ISCA1: variants seen among roughly 807,000 people sequenced by gnomAD.
ISCA1 encodes the protein iron-sulfur cluster assembly 1.
A neutral mutation model predicts 14.7 loss-of-function variants in ISCA1; 9 were observed. The ratio of observed to expected loss-of-function variants is 0.61; its 90% CI spans 0.37 to 1.07. The LOEUF (loss-of-function observed/expected upper bound fraction) is 1.07, where lower values mean the gene tolerates loss of function less well. ISCA1 is among the 50% of genes least tolerant of loss of function. ISCA1 has a pLI of 0.01. For missense variants in ISCA1, 102 were observed against 150.1 expected (o/e 0.68, Z 1.67); for synonymous variants, 38 against 54.3 (o/e 0.70, Z 1.32).
chr9:86,265,077 T>C lies in ISCA1; in HGVS notation c.*966A>G, dbSNP rs965426167. 3 of 152,144 alleles carry C rather than the reference T, an allele frequency of 2.0e-5. No homozygotes were observed. The highest frequency in any genetic ancestry group is 2.9e-5 in the Non-Finnish European group (2 of 68,026). The allele number at this position is 152,144 out of a possible 1,614,324, so 9.4% of individuals were successfully genotyped here. ...AAAGGTGAAAGAAACAAGATGGTAA[T>C]TGACATAAAAAGGTTTTAAAATTCT... On this transcript the variant is annotated 3_prime_UTR_variant, in exon 4 of 4. Coordinates refer to ENST00000375991, the MANE Select transcript of ISCA1 (RefSeq NM_030940.4).
Position 86,282,455 on chromosome 9 carries a change from A to C in ISCA1, c.4T>G (p.Ser2Ala), listed in dbSNP as rs753150612. M[S>A]ASLVRATVRA... ...ACAGTTGCCCGGACTAAGGAAGCCG[A>C]CATCTTCGCCGTCCCGGCGCCCCGG... Residue 2 changes from serine (S) to alanine (A), a missense_variant, in exon 1 of 4, where the codon TCG (serine) becomes GCG (alanine). Physicochemically the swap from Ser to Ala is moderately conservative, Grantham distance 99. Coordinates refer to ENST00000375991, the MANE Select transcript of ISCA1 (RefSeq NM_030940.4). The C allele has an allele frequency of 6.4e-7, 1 of 1,552,772 alleles. No individual in the cohort carries two copies. The highest frequency in any genetic ancestry group is 8.7e-7 in the Non-Finnish European group (1 of 1,148,242).
At chr9:86,276,807 G>A (rs1453672759) in intron 1 of ISCA1, among the ~76,000 whole-genome samples, 2 of 142,402 alleles carry the variant, frequency 1.4e-5, no homozygotes, top group East Asian at 4.5e-4. Flanking sequence ...GGAGGCGGAG[G>A]CTGCAGTAAG....
Position 86,265,914 on chromosome 9 carries a change from A to G in ISCA1, c.*129T>C. ...TAAATATCATTTCTTCTGGAATCCAACACACTGGATTCATTTTCAAGATGT... is the reference window on the plus strand; with the variant it reads ...TAAATATCATTTCTTCTGGAATCCAGCACACTGGATTCATTTTCAAGATGT... On this transcript the variant is annotated 3_prime_UTR_variant, in exon 4 of 4. Coordinates refer to ENST00000375991, the MANE Select transcript of ISCA1 (RefSeq NM_030940.4). 7.2e-7 allele frequency: 1 copy of G among 1,390,328 alleles called. No homozygotes were observed. The highest frequency in any genetic ancestry group is 1.0e-6 in the Non-Finnish European group (1 of 978,506). The allele number at this position is 1,390,328 out of a possible 1,614,324, so 86.1% of individuals were successfully genotyped here.
rs1284113048 is a variant in ISCA1, at chr9:86,264,680, C to T, written c.*1363G>A. On this transcript the variant is annotated 3_prime_UTR_variant, in exon 4 of 4. Coordinates refer to ENST00000375991, the MANE Select transcript of ISCA1 (RefSeq NM_030940.4). ...ACTCATGAGCATTTACATAAAACTACCGCTCTAGGTTTTGGTGTGTTTTGT... is the reference window on the plus strand; with the variant it reads ...ACTCATGAGCATTTACATAAAACTATCGCTCTAGGTTTTGGTGTGTTTTGT... 1.3e-5 allele frequency: 2 copies of T among 152,462 alleles called. No individual in the cohort carries two copies. The highest frequency in any genetic ancestry group is 2.4e-5 in the African/African-American group (1 of 41,412). The allele number at this position is 152,462 out of a possible 1,614,324, so 9.4% of individuals were successfully genotyped here. A position where few individuals can be genotyped will look rare whatever the true frequency, so the allele number is the denominator to read the frequency against.
intron 1 of ISCA1, chr9:86,282,058 G>T (rs1195633330): frequency 5.5e-6 from 2 of 360,818 alleles, no homozygotes; most frequent in Non-Finnish European, 1.0e-5. Context: ...AACAGCGCAG[G>T]CCGGCAGGAG....
intron 3 of ISCA1, among the ~76,000 whole-genome samples, chr9:86,270,948 G>A (rs1267296309): frequency 4.6e-5 from 5 of 108,306 alleles, no homozygotes; most frequent in Admixed American, 4.4e-4. Flanking sequence ...GTTGTGGGGC[G>A]GGGGGAGGGG....
intron 1 of ISCA1, among the ~76,000 whole-genome samples, chr9:86,281,461 GGGA>G (rs935827101): frequency 6.6e-6 from 1 of 152,164 alleles, no homozygotes; most frequent in African/African-American, 2.4e-5. Flanking sequence ...TCACTAAAAG[GGGA>G]GTGTATGTAG....
intron 1 of ISCA1, among the ~76,000 whole-genome samples, chr9:86,275,237 T>C (rs1419586801): frequency 6.6e-6 from 1 of 152,270 alleles, no homozygotes; most frequent in Non-Finnish European, 1.5e-5. Context: ...TACATCATAA[T>C]GAAGACATTA....
chr9:86,274,373 A>G (rs1825415993), intron 1 of ISCA1, 131 bp from the exon 2 acceptor site: 1 of 635,876 alleles, frequency 1.6e-6, no homozygotes, highest in Admixed American at 2.8e-5. Flanking sequence ...AGGGTACCTT[A>G]TGGACTTTAT....
At chr9:86,270,671 T>C (rs927280163) in intron 3 of ISCA1, among the ~76,000 whole-genome samples, 18 of 151,898 alleles carry the variant, frequency 1.2e-4, no homozygotes, top group African/African-American at 3.1e-4. Context: ...CTATTCACAA[T>C]AGCAAAGACT....
chr9:86,271,003 T>TTAA (rs1825362207), intron 3 of ISCA1, among the ~76,000 whole-genome samples: 1 of 146,820 alleles, frequency 6.8e-6, no homozygotes, highest in Non-Finnish European at 1.5e-5. Context: ...AATGATGAGT[T>TTAA]AATGGGTGCA....
At chr9:86,267,332 A>T in intron 3 of ISCA1, 1 of 828,586 alleles carries the variant, frequency 1.2e-6, no homozygotes, top group Non-Finnish European at 1.5e-6. Flanking sequence ...CTTCTTTAAG[A>T]TGAAAATCTT....
intron 1 of ISCA1, among the ~76,000 whole-genome samples, chr9:86,277,267 T>C (rs1825450411): frequency 6.6e-6 from 1 of 152,178 alleles, no homozygotes; most frequent in Admixed American, 6.5e-5. Context: ...CAGGAACCTG[T>C]GTGCCTGGGA....
chr9:86,273,453 C>T (rs1266119530), intron 2 of ISCA1, among the ~76,000 whole-genome samples: 4 of 152,076 alleles, frequency 2.6e-5, no homozygotes, highest in Non-Finnish European at 5.9e-5. Flanking sequence ...TGAATGAAAA[C>T]GACCCTTTAA....
intron 1 of ISCA1, among the ~76,000 whole-genome samples, chr9:86,275,565 T>C (rs1443513841): frequency 3.3e-5 from 5 of 152,232 alleles, no homozygotes; most frequent in Admixed American, 2.0e-4. Flanking sequence ...AAGACCAACA[T>C]GTCTTAAACA....
chr9:86,281,188 G>T (rs1257234035), intron 1 of ISCA1, among the ~76,000 whole-genome samples: 1 of 152,070 alleles, frequency 6.6e-6, no homozygotes, highest in African/African-American at 2.4e-5. Flanking sequence ...AAATAAGCTT[G>T]CTCCTACAGA....
intron 1 of ISCA1, among the ~76,000 whole-genome samples, chr9:86,276,639 G>A (rs988305012): frequency 6.6e-6 from 1 of 152,080 alleles, no homozygotes; most frequent in African/African-American, 2.4e-5. Flanking sequence ...GGTCAGCCAA[G>A]GTGGAAGGAT....
chr9:86,266,246 T>A (rs1825291954), intron 3 of ISCA1, 55 bp from the exon 4 acceptor site: 7 of 1,536,682 alleles, frequency 4.6e-6, no homozygotes, highest in Non-Finnish European at 6.1e-6. Context: ...TGGAACTTGC[T>A]GATTCAAAGC....
chr9:86,273,835 A>C (rs1391614704), intron 2 of ISCA1, among the ~76,000 whole-genome samples: 1 of 152,196 alleles, frequency 6.6e-6, no homozygotes, highest in Non-Finnish European at 1.5e-5. Flanking sequence ...ACTGGTATCT[A>C]ATGGACAGAG....
Sources: allele counts gnomAD v4.1 joint callset (sites outside exome capture counted in the v4.1 genomes callset), GRCh38; gene constraint gnomAD v4.1.1; transcripts MANE v1.5; gene names NCBI Gene and HGNC (gene_info 2026-07-23, HGNC 2026-07-21).